DUS1L: variants seen among roughly 807,000 people sequenced by gnomAD.
DUS1L encodes the protein tRNA-dihydrouridine(16/17) synthase [NAD(P)(+)]-like.
In DUS1L, 56 loss-of-function variants were observed where a neutral mutation model predicts 61.2. The observed-to-expected ratio is 0.92, with a 90% CI of 0.74 to 1.14. DUS1L has a LOEUF of 1.14. Ranked by LOEUF, DUS1L falls within the 50% of genes most tolerant of loss-of-function variation. The pLI is 0.00. For synonymous variants in DUS1L, 278 were observed against 259.5 expected, an observed-to-expected ratio of 1.07 and a Z score of -0.69; for missense variants, 630 against 632.4, an observed-to-expected ratio of 1.00 and a Z score of 0.04.
chr17:82,061,617 C>T lies in DUS1L; in HGVS notation c.697+1G>A. The stretch of plus-strand genomic sequence containing the variant: ...TGGCTGCTGTCCTGGGCCCTGCCCA[C>T]CTGCGCTCATGACGCCCTGCACACC... On this transcript the variant is annotated splice_donor_variant, in intron 7 of 13. Coordinates refer to ENST00000306796, the MANE Select transcript of DUS1L (RefSeq NM_022156.5). LOFTEE classifies it high-confidence loss of function. 1.2e-6 allele frequency: 2 copies of T among 1,610,516 alleles called. No homozygotes were observed. The highest frequency in any genetic ancestry group is 1.7e-6 in the Non-Finnish European group (2 of 1,179,352).
chr17:82,063,058 A>G (rs868309830), intron 4 of DUS1L, 85 bp from the exon 5 acceptor site: 6 of 1,198,154 alleles, frequency 5.0e-6, no homozygotes, highest in Middle Eastern at 1.9e-4. Flanking sequence ...CCCTGCAGAC[A>G]GCGGAGCCCA....
rs769024458 is a variant in DUS1L at position 82,063,490 on chromosome 17, C to T, written c.375G>A (p.Glu125=). Residue 125 remains glutamate (E), a synonymous_variant, in exon 4 of 14, where the codon GAG becomes GAA. Coordinates refer to ENST00000306796, the MANE Select transcript of DUS1L (RefSeq NM_022156.5). ...RGHYGAFLQD[E]WDLLQRMILL... ...CACTCATTCTTTGGAGCAGGTCCCACTCGTCCTGCAGAAAGGCGCCATAGT... is the reference window on the plus strand; with the variant it reads ...CACTCATTCTTTGGAGCAGGTCCCATTCGTCCTGCAGAAAGGCGCCATAGT... 1 of 1,613,786 alleles carries T rather than the reference C, an allele frequency of 6.2e-7. No individual in the cohort carries two copies. Among genetic ancestry groups the T allele is most frequent in the South Asian group, 1.1e-5 (1 of 91,090 alleles).
In DUS1L at chr17:82,058,837, G is replaced by A. The variant is rs375743917; in HGVS notation, c.1169-19C>T. 1.9e-6 allele frequency: 3 copies of A among 1,609,326 alleles called. No homozygotes were observed. The highest frequency in any genetic ancestry group is 2.7e-5 in the African/African-American group (2 of 74,834). On this transcript the variant is annotated intron_variant, in intron 11 of 13. Transcript: ENST00000306796. ...TATTTTGCTAGGAAAAGAACAAAAG[G>A]GTGCTGGTGAGTGAGGGCCAGGGTG... is the stretch of plus-strand genomic sequence containing the variant.
rs370860304 is a variant in DUS1L, at chr17:82,061,622, G to T, written c.693C>A (p.Ser231Arg). 1 of 1,610,802 alleles carries T rather than the reference G, an allele frequency of 6.2e-7. No homozygotes were observed. Among genetic ancestry groups the T allele is most frequent in the Non-Finnish European group, 8.5e-7 (1 of 1,179,430 alleles). ...LRDTGVQGVM[S>R]AEGNLHNPAL... is the part of the protein sequence containing the mutation. ...GCTGTCCTGGGCCCTGCCCACCTGC[G>T]CTCATGACGCCCTGCACACCCGTGT... is the stretch of plus-strand genomic sequence containing the variant. The change falls in exon 7 of 14, where the codon AGC becomes AGA. Residue 231 changes from serine (S) to arginine (R), a missense_variant. Coordinates refer to ENST00000306796, the MANE Select transcript of DUS1L (RefSeq NM_022156.5).
chr17:82,058,887 C>A, intron 11 of DUS1L, 69 bp from the exon 12 acceptor site: 1 of 1,417,080 alleles, frequency 7.1e-7, no homozygotes, highest in South Asian at 1.1e-5. Flanking sequence ...GCTGCCCCGT[C>A]CGCCTGCACG....
intron 2 of DUS1L, 67 bp downstream of exon 2, chr17:82,064,756 G>C: frequency 4.8e-6 from 7 of 1,461,328 alleles, no homozygotes; most frequent in Non-Finnish European, 6.5e-6. Flanking sequence ...AGAGAGAAGG[G>C]TTTTTCCCCA....
chr17:82,064,240 G>T lies in DUS1L; in HGVS notation c.238-6C>A. On this transcript the variant is annotated splice_polypyrimidine_tract_variant and splice_region_variant and intron_variant, in intron 2 of 13. Coordinates refer to ENST00000306796, the MANE Select transcript of DUS1L (RefSeq NM_022156.5). ...TCCGGGTCATTGGCACAGAACTGGA[G>T]AAGATGCAGGAGTCAGCCACGGGCC... The T allele has an allele frequency of 6.2e-7, 1 of 1,609,566 alleles. No homozygotes were observed.
Position 82,059,990 on chromosome 17 carries a change from G to C in DUS1L, c.1126C>G (p.Gln376Glu). The C allele has an allele frequency of 6.2e-7, 1 of 1,613,976 alleles. No individual in the cohort carries two copies. Among genetic ancestry groups the C allele is most frequent in the Middle Eastern group, 1.6e-4 (1 of 6,062 alleles). The stretch of plus-strand genomic sequence containing the variant: ...AAGGTCTTGTGGGGGTTCCTCAGCT[G>C]CTTCTTTTGCTTGTTCTTGGACAGG... ...EVLSKNKQKK[Q>E]LRNPHKTFDP... The change falls in exon 11 of 14, where the codon CAG (glutamine) becomes GAG (glutamate). Residue 376 changes from glutamine (Q) to glutamate (E), a missense_variant. Transcript: ENST00000306796.
In DUS1L at chr17:82,059,948, G is replaced by A. The variant is rs766852189; in HGVS notation, c.1168C>T (p.Pro390Ser). 14 of 1,613,846 alleles carry A rather than the reference G, an allele frequency of 8.7e-6. No homozygotes were observed. The highest frequency in any genetic ancestry group is 2.7e-5 in the African/African-American group (2 of 74,928). ...PHKTFDPSLK[P>S]KYAKCDQCGN... ...GCCCATCAGCGGAAGCAGCACTTAC[G>A]CTTCAGAGAGGGGTCGAAGGTCTTG... is the stretch of plus-strand genomic sequence containing the variant. The change falls in exon 11 of 14, where the codon CCA (proline) becomes TCA (serine). Residue 390 changes from proline to serine, a missense_variant and splice_region_variant. Transcript: ENST00000306796.
At position 82,060,845 on chromosome 17, in the gene DUS1L, C is replaced by G; in HGVS notation, c.939+20G>C. 6.2e-7 allele frequency: 1 copy of G among 1,611,722 alleles called. No homozygotes were observed. The highest frequency in any genetic ancestry group is 8.5e-7 in the Non-Finnish European group (1 of 1,179,524). ...CCTCACCCCCTGCAAGGCCGGGCTCCCACCAGCCCCAGCACCTGCCTGACA... is the reference window on the plus strand; with the variant it reads ...CCTCACCCCCTGCAAGGCCGGGCTCGCACCAGCCCCAGCACCTGCCTGACA... On this transcript the variant is annotated intron_variant, in intron 9 of 13. Transcript: ENST00000306796.
intron 3 of DUS1L, 28 bp from the exon 4 acceptor site, chr17:82,063,546 G>T: frequency 6.2e-7 from 1 of 1,612,956 alleles, no homozygotes; most frequent in Non-Finnish European, 8.5e-7. Flanking sequence ...GGCCTGGCTG[G>T]CACCTGTGTT....
At chr17:82,060,121 AAGGACACTGTGAG>A in intron 10 of DUS1L, 28 bp from the exon 11 acceptor site, 1 of 1,606,034 alleles carries the variant, frequency 6.2e-7, no homozygotes, top group Non-Finnish European at 8.5e-7. Flanking sequence ...GGCAGAGCCC[AAGGACACTGTGAG>A]AGGGGCCCAG....
chr17:82,060,758 G>A lies in DUS1L; in HGVS notation c.965C>T (p.Ala322Val), dbSNP rs764079245. 9.9e-6 allele frequency: 16 copies of A among 1,612,334 alleles called. No individual in the cohort carries two copies. In the African/African-American group the frequency reaches 1.1e-4, roughly 11 times the overall value. ...CQEEISRQEG[A>V]KPTGDLPFHW... ...GAAGGGCAAGTCGCCGGTGGGCTTCGCTCCCTCCTGCCTGGATATCTCCTC... is the reference window on the plus strand; with the variant it reads ...GAAGGGCAAGTCGCCGGTGGGCTTCACTCCCTCCTGCCTGGATATCTCCTC... Residue 322 changes from alanine to valine, a missense_variant, in exon 10 of 14, where the codon GCG (alanine) becomes GTG (valine). Physicochemically the swap from Ala to Val is moderately conservative, Grantham distance 64 (BLOSUM62 0). Transcript: ENST00000306796.
At chr17:82,062,011 C>A in intron 5 of DUS1L, 28 bp from the exon 6 acceptor site, 1 of 1,546,040 alleles carries the variant, frequency 6.5e-7, no homozygotes, top group East Asian at 2.3e-5. Context: ...TCGCTTGACC[C>A]CTCCAAGCCC....
rs775756471 is a variant in DUS1L, at chr17:82,061,172, C to A, written c.842+37G>T. 1.9e-6 allele frequency: 3 copies of A among 1,559,656 alleles called. No homozygotes were observed. In the African/African-American group the frequency reaches 4.1e-5, roughly 21 times the overall value. On this transcript the variant is annotated intron_variant, in intron 8 of 13. Transcript: ENST00000306796. Reference sequence around the variant, plus strand: ...GGTCTGACGGAATCTGCCTGGGCGGCCCTCCAACGTGGCTTCTGCCTTAGG... The same window carrying A: ...GGTCTGACGGAATCTGCCTGGGCGGACCTCCAACGTGGCTTCTGCCTTAGG...
intron 7 of DUS1L, 57 bp from the exon 8 acceptor site, chr17:82,061,410 A>G: frequency 1.3e-6 from 2 of 1,536,956 alleles, no homozygotes; most frequent in East Asian, 2.3e-5. Context: ...TGGACGGCAC[A>G]GGAAAGCCTG....
intron 11 of DUS1L, chr17:82,059,408 A>AC: frequency 6.0e-6 from 1 of 165,658 alleles, no homozygotes; most frequent in Admixed American, 5.7e-5. Flanking sequence ...TAAAGTTGTC[A>AC]GAGATCTGGG....
intron 10 of DUS1L, 113 bp downstream of exon 10, chr17:82,060,585 CAGG>C: frequency 2.3e-6 from 3 of 1,326,352 alleles, no homozygotes; most frequent in South Asian, 2.8e-5. Flanking sequence ...TTCCCTTGGG[CAGG>C]AGATGACTGA....
chr17:82,064,306 G>T, intron 2 of DUS1L, 72 bp from the exon 3 acceptor site: 1 of 1,334,066 alleles, frequency 7.5e-7, no homozygotes, highest in Non-Finnish European at 1.0e-6. Flanking sequence ...CCTACGAGAG[G>T]TCCAGTGTGA....
Sources: gnomAD v4.1 joint callset for allele counts on GRCh38, gnomAD v4.1.1 for gene constraint, MANE v1.5 for transcripts, NCBI Gene and HGNC (gene_info 2026-07-23, HGNC 2026-07-21) for gene names.